Variants in GIPC3 observed in about 807,000 individuals in gnomAD.
GIPC3 encodes the protein GIPC PDZ domain containing family member 3, also known as PDZ domain-containing protein GIPC3.
In GIPC3, 16 loss-of-function variants were observed where a neutral mutation model predicts 27.3. The ratio of observed to expected loss-of-function variants is 0.59; its 90% confidence interval spans 0.40 to 0.89. The LOEUF (loss-of-function observed/expected upper bound fraction) is 0.89, where lower values mean the gene tolerates loss of function less well. Ranked by LOEUF, GIPC3 falls within the 40% of genes least tolerant of loss-of-function variation. The pLI, the probability that GIPC3 is intolerant of heterozygous loss-of-function variation, is 0.00. For missense variants in GIPC3, 440 were observed against 442.1 expected (o/e 1.00, Z 0.04); for synonymous variants, 194 against 184.6 (o/e 1.05, Z -0.41).
At position 3,585,672 on chromosome 19, in the gene GIPC3, G is replaced by A; in HGVS notation, c.75G>A (p.Ser25=). 1 of 1,296,146 alleles carries A rather than the reference G, an allele frequency of 7.7e-7. No individual in the cohort carries two copies. 80.3% of individuals were successfully genotyped at this position (1,296,146 alleles called of 1,614,324 possible). The change falls in exon 1 of 6, where the codon TCG becomes TCA. Residue 25 remains serine (S), a synonymous_variant. Coordinates refer to ENST00000644452, the MANE Select transcript of GIPC3 (RefSeq NM_133261.3). The part of the protein sequence containing the change: ...PRASAPPPAP[S]EPPAAPRARP... ...CGTCTGCGCCCCCGCCCGCGCCCTC[G>A]GAGCCCCCGGCCGCGCCCCGCGCCC... is the stretch of plus-strand genomic sequence containing the variant.
In GIPC3 at chr19:3,590,527, G is replaced by C. The variant is rs1177133844; in HGVS notation, c.*337G>C. 5.1e-6 allele frequency: 7 copies of C among 1,384,952 alleles called. No homozygotes were observed. Among genetic ancestry groups the C allele is most frequent in the Middle Eastern group, 2.7e-4 (1 of 3,758 alleles). The allele number at this position is 1,384,952 out of a possible 1,614,324, so 85.8% of individuals were successfully genotyped here. A position where few individuals can be genotyped will look rare whatever the true frequency, so the allele number is the denominator to read the frequency against. On this transcript the variant is annotated 3_prime_UTR_variant, in exon 6 of 6. Transcript: ENST00000644452. ...AGCACTGAGACCAAGCCCTGTTCTA[G>C]AACTCAGGCCTGCTCTGAGGCCAAG...
chr19:3,591,628 C>T lies in GIPC3; in HGVS notation c.*1438C>T, dbSNP rs2032489477. ...TCAAGAACTCAGACCAGCTCAGAAA[C>T]CCAGGTCCACACGGCTGCCCAGTCC... On this transcript the variant is annotated 3_prime_UTR_variant, in exon 6 of 6. Transcript: ENST00000644452. The T allele has an allele frequency of 2.4e-6, 3 of 1,233,286 alleles. No individual in the cohort carries two copies. The highest frequency in any genetic ancestry group is 6.2e-4 in the Middle Eastern group (2 of 3,240). 76.4% of individuals were successfully genotyped at this position (1,233,286 alleles called of 1,614,324 possible). A position where few individuals can be genotyped will look rare whatever the true frequency, so the allele number is the denominator to read the frequency against.
At chr19:3,587,027 G>C in intron 3 of GIPC3, 33 bp downstream of exon 3, 3 of 1,591,834 alleles carry the variant, frequency 1.9e-6, no homozygotes, top group Non-Finnish European at 2.6e-6. Flanking sequence ...AGCTCTTCCC[G>C]AAGTGCGTTC....
intron 3 of GIPC3, among the ~76,000 whole-genome samples, chr19:3,588,292 T>A (rs1777501849): frequency 6.6e-6 from 1 of 152,124 alleles, no homozygotes; most frequent in South Asian, 2.1e-4. Context: ...CATGAGCCAC[T>A]GCACCCTGCC....
In GIPC3 at chr19:3,588,014, C is replaced by G. The variant is rs569281985; in HGVS notation, c.592+1020C>G. Among the ~76,000 whole-genome samples, 15 of 151,110 alleles carry G rather than the reference C, an allele frequency of 9.9e-5. No homozygotes were observed. In the South Asian group the frequency reaches 1.3e-3, roughly 13 times the overall value. Reference sequence around the variant, plus strand: ...GTGCCAGCTAATTTTTAATTTTTTTCTTTTTTTGAGACGGAGTTTTGCTCT... The same window carrying G: ...GTGCCAGCTAATTTTTAATTTTTTTGTTTTTTTGAGACGGAGTTTTGCTCT... On this transcript the variant is annotated intron_variant, in intron 3 of 5. Transcript: ENST00000644452.
Position 3,590,213 on chromosome 19 carries a change from C to T in GIPC3, c.*23C>T, listed in dbSNP as rs1331294775. 1.9e-6 allele frequency: 3 copies of T among 1,566,980 alleles called. No homozygotes were observed. Among genetic ancestry groups the T allele is most frequent in the South Asian group, 1.2e-5 (1 of 85,724 alleles). ...TAGTTTGCCCTGGGGGGGCCCAGCACAGCCCCAGCCCGGAGCCCAGCCCCC... is the reference window on the plus strand; with the variant it reads ...TAGTTTGCCCTGGGGGGGCCCAGCATAGCCCCAGCCCGGAGCCCAGCCCCC... On this transcript the variant is annotated 3_prime_UTR_variant, in exon 6 of 6. Transcript: ENST00000644452.
chr19:3,587,084 A>G, intron 3 of GIPC3, 90 bp downstream of exon 3: 1 of 1,245,158 alleles, frequency 8.0e-7, no homozygotes, highest in Non-Finnish European at 1.1e-6. Flanking sequence ...ACGGGCTGGA[A>G]GGTTCTAGGT....
At position 3,590,418 on chromosome 19, in the gene GIPC3, G is replaced by T. The variant is rs963264266; in HGVS notation, c.*228G>T. On this transcript the variant is annotated 3_prime_UTR_variant, in exon 6 of 6. Transcript: ENST00000644452. ...CAGCTCTGAGACCAAGCCCAGCATT[G>T]AGAATAAGCTCTGTTCTAAAACTCA... 2.1e-6 allele frequency: 3 copies of T among 1,431,472 alleles called. No individual in the cohort carries two copies. The East Asian group carries it at 7.5e-5, about 36-fold the overall frequency. The allele number at this position is 1,431,472 out of a possible 1,614,324, so 88.7% of individuals were successfully genotyped here.
In GIPC3 at chr19:3,590,560, C is replaced by G. The variant is rs2032468541; in HGVS notation, c.*370C>G. On this transcript the variant is annotated 3_prime_UTR_variant, in exon 6 of 6. Coordinates refer to ENST00000644452, the MANE Select transcript of GIPC3 (RefSeq NM_133261.3). ...GCCTGCTCTGAGGCCAAGCCCAGCT[C>G]TAGAACCCAGATGAGCTCTGAGACC... 2.2e-6 allele frequency: 3 copies of G among 1,346,230 alleles called. No individual in the cohort carries two copies. In the East Asian group the frequency reaches 8.2e-5, roughly 37 times the overall value. 83.4% of individuals were successfully genotyped at this position (1,346,230 alleles called of 1,614,324 possible). A position where few individuals can be genotyped will look rare whatever the true frequency, so the allele number is the denominator to read the frequency against.
chr19:3,587,120 C>A, intron 3 of GIPC3, 126 bp downstream of exon 3: 1 of 804,406 alleles, frequency 1.2e-6, no homozygotes, highest in South Asian at 1.7e-5. Context: ...CAAGGAGCTC[C>A]TGGCAGGGTA....
In GIPC3 at chr19:3,590,054, A is replaced by G; in HGVS notation, c.803A>G (p.Glu268Gly). Residue 268 changes from glutamate (E) to glycine (G), a missense_variant, in exon 6 of 6, where the codon GAG becomes GGG. Glu to Gly is a moderately conservative substitution (Grantham distance 98, BLOSUM62 -2). Coordinates refer to ENST00000644452, the MANE Select transcript of GIPC3 (RefSeq NM_133261.3). Reference protein sequence around the residue: ...RDPELASTMVETSKKTASAQE... With the variant: ...RDPELASTMVGTSKKTASAQE... ...CGGCCCGCAGCGTCCACCATGGTGGAGACGTCCAAGAAGACAGCGAGCGCC... is the reference window on the plus strand; with the variant it reads ...CGGCCCGCAGCGTCCACCATGGTGGGGACGTCCAAGAAGACAGCGAGCGCC... 6.2e-7 allele frequency: 1 copy of G among 1,612,278 alleles called. No individual in the cohort carries two copies. Among genetic ancestry groups the G allele is most frequent in the Non-Finnish European group, 8.5e-7 (1 of 1,179,334 alleles).
rs1033161211 is a variant in GIPC3, at chr19:3,593,364, A to T, written c.*3174A>T. On this transcript the variant is annotated 3_prime_UTR_variant, in exon 6 of 6. Coordinates refer to ENST00000644452, the MANE Select transcript of GIPC3 (RefSeq NM_133261.3). ...CTTCCAGCCTGGGGCCCCCAGAAGC[A>T]GCAAGTGACCTTATTTCTCCAGCAG... The T allele has an allele frequency of 3.4e-5, 41 of 1,194,356 alleles. No individual in the cohort carries two copies. The highest frequency in any genetic ancestry group is 4.3e-5 in the Non-Finnish European group (41 of 953,862). 74.0% of individuals were successfully genotyped at this position (1,194,356 alleles called of 1,614,324 possible). A position where few individuals can be genotyped will look rare whatever the true frequency, so the allele number is the denominator to read the frequency against.
At position 3,592,386 on chromosome 19, in the gene GIPC3, C is replaced by T. The variant is rs973820385; in HGVS notation, c.*2196C>T. 1.6e-6 allele frequency: 2 copies of T among 1,231,950 alleles called. No individual in the cohort carries two copies. The highest frequency in any genetic ancestry group is 1.0e-6 in the Non-Finnish European group (1 of 987,988). 76.3% of individuals were successfully genotyped at this position (1,231,950 alleles called of 1,614,324 possible). Reference sequence around the variant, plus strand: ...TGGGACCCAGATAAGCTCAAGAATTCAAGCCAGCTCTGGAAGTCAGCTTAG... The same window carrying T: ...TGGGACCCAGATAAGCTCAAGAATTTAAGCCAGCTCTGGAAGTCAGCTTAG... On this transcript the variant is annotated 3_prime_UTR_variant, in exon 6 of 6. Transcript: ENST00000644452.
intron 3 of GIPC3, among the ~76,000 whole-genome samples, chr19:3,587,981 G>A (rs967427031): frequency 1.3e-5 from 2 of 151,672 alleles, no homozygotes; most frequent in East Asian, 1.9e-4. Flanking sequence ...GAGCCACCGC[G>A]CCTGGCCGTG....
intron 3 of GIPC3, among the ~76,000 whole-genome samples, chr19:3,588,427 A>G (rs1599863611): frequency 2.0e-5 from 3 of 152,152 alleles, no homozygotes; most frequent in East Asian, 1.9e-4. Flanking sequence ...GAACAGAGAC[A>G]GAGATTCTAG....
Position 3,591,457 on chromosome 19 carries a change from G to A in GIPC3, c.*1267G>A, listed in dbSNP as rs2032487112. ...CAAGCTGACTCTGGAACTCTGGACA[G>A]CTCCACGATGCAGCCACACCTGGAC... is the stretch of plus-strand genomic sequence containing the variant. On this transcript the variant is annotated 3_prime_UTR_variant, in exon 6 of 6. Transcript: ENST00000644452. The A allele has an allele frequency of 4.9e-6, 6 of 1,232,270 alleles. No homozygotes were observed. Among genetic ancestry groups the A allele is most frequent in the Middle Eastern group, 3.1e-4 (1 of 3,230 alleles). The allele number at this position is 1,232,270 out of a possible 1,614,324, so 76.3% of individuals were successfully genotyped here. A position where few individuals can be genotyped will look rare whatever the true frequency, so the allele number is the denominator to read the frequency against.
intron 4 of GIPC3, 64 bp downstream of exon 4, chr19:3,589,619 C>A (rs749669841): frequency 3.6e-6 from 5 of 1,386,414 alleles, no homozygotes; most frequent in African/African-American, 2.8e-5. Flanking sequence ...TGAGTCAGTG[C>A]GGTCTTGGGT....
rs971642414 is a variant in GIPC3, at chr19:3,585,523, G to A, written c.-75G>A. 8 of 1,075,742 alleles carry A rather than the reference G, an allele frequency of 7.4e-6. No homozygotes were observed. Among genetic ancestry groups the A allele is most frequent in the African/African-American group, 1.7e-5 (1 of 59,308 alleles). The allele number at this position is 1,075,742 out of a possible 1,614,324, so 66.6% of individuals were successfully genotyped here. A position where few individuals can be genotyped will look rare whatever the true frequency, so the allele number is the denominator to read the frequency against. On this transcript the variant is annotated 5_prime_UTR_variant, in exon 1 of 6. Coordinates refer to ENST00000644452, the MANE Select transcript of GIPC3 (RefSeq NM_133261.3). ...TCGGCTGTCGCGCCCTGGGCCGGGG[G>A]AGGGGAGGCTGCAGGAAGCGGCGGA...
chr19:3,590,041 T>C lies in GIPC3; in HGVS notation c.790T>C (p.Ser264Pro), dbSNP rs1463040144. Residue 264 changes from serine (S) to proline (P), a missense_variant and splice_region_variant, in exon 6 of 6, where the codon TCC (serine) becomes CCC (proline). Ser to Pro is a moderately conservative substitution (Grantham distance 74, BLOSUM62 -1). Coordinates refer to ENST00000644452, the MANE Select transcript of GIPC3 (RefSeq NM_133261.3). ...YMGIRDPELA[S>P]TMVETSKKTA... ...ATCCCCTCTGGCACGGCCCGCAGCG[T>C]CCACCATGGTGGAGACGTCCAAGAA... 10 of 1,612,540 alleles carry C rather than the reference T, an allele frequency of 6.2e-6. No homozygotes were observed. Among genetic ancestry groups the C allele is most frequent in the Non-Finnish European group, 8.5e-6 (10 of 1,179,460 alleles).
Sources: allele counts gnomAD v4.1 joint callset (sites outside exome capture counted in the v4.1 genomes callset), GRCh38; gene constraint gnomAD v4.1.1; transcripts MANE v1.5; gene names NCBI Gene and HGNC (gene_info 2026-07-23, HGNC 2026-07-21).